The following TFAP2E variants were observed in gnomAD, a reference collection of about 807,000 sequenced individuals.
The protein encoded by TFAP2E is transcription factor AP-2-epsilon.
In TFAP2E, 30 loss-of-function variants were observed where a neutral mutation model predicts 37.9. That is an observed-to-expected ratio of 0.79 (90% confidence interval 0.59 to 1.07). The LOEUF (loss-of-function observed/expected upper bound fraction) is 1.07, where lower values mean the gene tolerates loss of function less well. Ranked by LOEUF, TFAP2E falls within the 50% of genes least tolerant of loss-of-function variation. The probability of loss-of-function intolerance (pLI) is 0.00; values close to 1 mark genes in which losing one functional copy is unlikely to be tolerated. For synonymous variants in TFAP2E, 318 were observed against 295.8 expected (o/e 1.08, Z -0.77); for missense variants, 567 against 637.9 (o/e 0.89, Z 1.20).
In TFAP2E at chr1:35,589,965, A is replaced by T; in HGVS notation, c.821A>T (p.Glu274Val). 1 of 1,613,986 alleles carries T rather than the reference A, an allele frequency of 6.2e-7. No individual in the cohort carries two copies. Residue 274 changes from glutamate to valine, a missense_variant, in exon 5 of 7, where the codon GAA becomes GTA. Glu to Val is a moderately radical substitution (Grantham distance 121). Transcript: ENST00000373235. ...AAAAATGGGGGCCGGTGTTTGCGGG[A>T]ACGGTTAGAGAAGATTGGGCTCAAC... ...KSKNGGRCLR[E>V]RLEKIGLNLP...
intron 3 of TFAP2E, among the ~76,000 whole-genome samples, chr1:35,579,547 A>G (rs1230946631): frequency 6.6e-6 from 1 of 151,128 alleles, no homozygotes; most frequent in Admixed American, 6.6e-5. Flanking sequence ...GGTACCTGTC[A>G]CCACGCCCAG....
rs748767629 is a variant in TFAP2E at position 35,594,626 on chromosome 1, G to C, written c.1279G>C (p.Gly427Arg). ...DKMFLSSVGS[G>R]HGETKASEKD... Reference sequence around the variant, plus strand: ...GATGTTTCTAAGCAGTGTGGGCAGTGGGCATGGTGAAACCAAGGCTTCGGA... The same window carrying C: ...GATGTTTCTAAGCAGTGTGGGCAGTCGGCATGGTGAAACCAAGGCTTCGGA... Residue 427 changes from glycine (G) to arginine (R), a missense_variant, in exon 7 of 7, where the codon GGG (glycine) becomes CGG (arginine). Physicochemically the swap from Gly to Arg is moderately radical, Grantham distance 125 (BLOSUM62 -2). Around this residue, in one of 3 missense-constraint regions of TFAP2E, gnomAD observed 252 missense variants for 302.6 expected, o/e 0.83. Transcript: ENST00000373235. 1.2e-6 allele frequency: 2 copies of C among 1,614,202 alleles called. No individual in the cohort carries two copies. The highest frequency in any genetic ancestry group is 3.3e-4 in the Middle Eastern group (2 of 6,048).
chr1:35,582,445 G>T (rs1649374845), intron 3 of TFAP2E, among the ~76,000 whole-genome samples: 1 of 148,504 alleles, frequency 6.7e-6, no homozygotes, highest in African/African-American at 2.5e-5. Flanking sequence ...TCCAGTTTGT[G>T]GTTTATCGTT....
chr1:35,573,941 G>T lies in TFAP2E; in HGVS notation c.42G>T (p.Gly14=), dbSNP rs1649085340. ...TCCTTCCCCAGGAGCGCCCCGACGG[G>T]CTGGGAGCAGCTGCCGGCGGGGCCC... ...HTYSAMERPD[G]LGAAAGGARL... is the part of the protein sequence containing the mutation. Residue 14 remains glycine (G), a synonymous_variant, in exon 2 of 7, where the codon GGG becomes GGT. Transcript: ENST00000373235. This position sits in a 1 kb window ranked among gnomAD's most constrained non-coding sequence, Gnocchi z 5.9. The T allele has an allele frequency of 5.5e-6, 8 of 1,451,340 alleles. No homozygotes were observed. In the South Asian group the frequency reaches 1.0e-4, roughly 18 times the overall value. 89.9% of individuals were successfully genotyped at this position (1,451,340 alleles called of 1,614,324 possible). A position where few individuals can be genotyped will look rare whatever the true frequency, so the allele number is the denominator to read the frequency against.
Position 35,595,119 on chromosome 1 carries a change from C to A in TFAP2E, c.*443C>A, listed in dbSNP as rs955563648. 4.8e-6 allele frequency: 1 copy of A among 208,654 alleles called. No individual in the cohort carries two copies. Among genetic ancestry groups the A allele is most frequent in the South Asian group, 8.0e-5 (1 of 12,524 alleles). 12.9% of individuals were successfully genotyped at this position (208,654 alleles called of 1,614,324 possible). ...GTGCCCCTCATTCCAGAATCTCCTA[C>A]CCCCAGAAAAGGGGTGCTGGAAGGA... On this transcript the variant is annotated 3_prime_UTR_variant, in exon 7 of 7. Transcript: ENST00000373235.
chr1:35,584,222 C>T (rs1022088201), intron 3 of TFAP2E, among the ~76,000 whole-genome samples: 1 of 152,198 alleles, frequency 6.6e-6, no homozygotes, highest in Non-Finnish European at 1.5e-5. Flanking sequence ...CTCAGCCTTC[C>T]GAGCAGCTGG....
At chr1:35,593,039 G>A (rs1649734412) in intron 6 of TFAP2E, among the ~76,000 whole-genome samples, 1 of 135,926 alleles carries the variant, frequency 7.4e-6, no homozygotes, top group Non-Finnish European at 1.7e-5. Flanking sequence ...GGGGGATAGA[G>A]AAAGAGAGAA....
intron 3 of TFAP2E, among the ~76,000 whole-genome samples, chr1:35,583,586 G>A (rs1163388901): frequency 2.0e-5 from 3 of 150,802 alleles, no homozygotes; most frequent in South Asian, 4.2e-4. Context: ...ATAACCGGGA[G>A]CTCTTGTGTC....
At chr1:35,585,174 C>T (rs1032176344) in intron 3 of TFAP2E, among the ~76,000 whole-genome samples, 3 of 152,142 alleles carry the variant, frequency 2.0e-5, no homozygotes, top group Non-Finnish European at 4.4e-5. Flanking sequence ...GCTCAAAGAG[C>T]TCACACCCTG....
chr1:35,593,797 T>G (rs1414214244), intron 6 of TFAP2E, among the ~76,000 whole-genome samples: 1 of 152,228 alleles, frequency 6.6e-6, no homozygotes, highest in African/African-American at 2.4e-5. Context: ...GAATGAATAA[T>G]GAATGGCTGC....
chr1:35,581,836 T>C (rs1278317961), intron 3 of TFAP2E, among the ~76,000 whole-genome samples: 1 of 152,050 alleles, frequency 6.6e-6, no homozygotes, highest in East Asian at 1.9e-4. Flanking sequence ...CCTCCCAAAA[T>C]GCTGGGCTTA....
intron 6 of TFAP2E, among the ~76,000 whole-genome samples, chr1:35,591,305 C>T (rs534210357): frequency 6.6e-6 from 1 of 152,276 alleles, no homozygotes; most frequent in East Asian, 1.9e-4. Flanking sequence ...CACACAGGCT[C>T]ACGCATGGGT....
chr1:35,594,261 GGT>G, intron 6 of TFAP2E, 131 bp from the exon 7 acceptor site: 1 of 1,125,730 alleles, frequency 8.9e-7, no homozygotes, highest in Non-Finnish European at 1.2e-6. Flanking sequence ...AAAACAGTAT[GGT>G]CATCATTTGC....
chr1:35,580,092 C>G (rs771522529), intron 3 of TFAP2E, among the ~76,000 whole-genome samples: 2 of 152,118 alleles, frequency 1.3e-5, no homozygotes, highest in East Asian at 3.9e-4. Context: ...CGCCTGTAGT[C>G]CCAGCTACTC....
In TFAP2E at chr1:35,588,276, T is replaced by G; in HGVS notation, c.563-54T>G. ...AAAGCAAGGATACCAGACCCTCCCTTGAGTGGGGCTGTGTGCGGCAGCCAC... is the reference window on the plus strand; with the variant it reads ...AAAGCAAGGATACCAGACCCTCCCTGGAGTGGGGCTGTGTGCGGCAGCCAC... On this transcript the variant is annotated intron_variant, in intron 3 of 6. Coordinates refer to ENST00000373235, the MANE Select transcript of TFAP2E (RefSeq NM_178548.4). The surrounding 1 kb of genome is among the most constrained non-coding windows in gnomAD (Gnocchi z 5.1). 1 of 1,527,382 alleles carries G rather than the reference T, an allele frequency of 6.5e-7. No homozygotes were observed. The highest frequency in any genetic ancestry group is 8.9e-7 in the Non-Finnish European group (1 of 1,125,594). 94.6% of individuals were successfully genotyped at this position (1,527,382 alleles called of 1,614,324 possible). A position where few individuals can be genotyped will look rare whatever the true frequency, so the allele number is the denominator to read the frequency against.
Position 35,594,848 on chromosome 1 carries a change from T to C in TFAP2E, c.*172T>C, listed in dbSNP as rs1649787108. ...TGGCTTGGAGTAAGGGAGGGTGGCC[T>C]CTCTGTGGTGGTGTGTTGGTAAGTT... On this transcript the variant is annotated 3_prime_UTR_variant, in exon 7 of 7. Transcript: ENST00000373235. The C allele has an allele frequency of 2.1e-6, 2 of 941,408 alleles. No individual in the cohort carries two copies. The highest frequency in any genetic ancestry group is 3.1e-6 in the Non-Finnish European group (2 of 640,996). 58.3% of individuals were successfully genotyped at this position (941,408 alleles called of 1,614,324 possible).
chr1:35,574,004 GCCC>G lies in TFAP2E; in HGVS notation c.108_110del (p.Pro37del). On this transcript the variant is annotated inframe_deletion, in exon 2 of 7. Coordinates refer to ENST00000373235, the MANE Select transcript of TFAP2E (RefSeq NM_178548.4). ...TGCCCCAGGCGGCCTACGGGCCGGC[GCCC>G]CCGCTCTGCCACACGCCGGCCGCCA... 2.0e-6 allele frequency: 3 copies of G among 1,484,518 alleles called. No homozygotes were observed. In the South Asian group the frequency reaches 3.8e-5, roughly 19 times the overall value. The allele number at this position is 1,484,518 out of a possible 1,614,324, so 92.0% of individuals were successfully genotyped here. A position where few individuals can be genotyped will look rare whatever the true frequency, so the allele number is the denominator to read the frequency against.
chr1:35,575,134 G>C lies in TFAP2E; in HGVS notation c.562+134G>C, dbSNP rs1209017985. On this transcript the variant is annotated intron_variant, in intron 3 of 6. Coordinates refer to ENST00000373235, the MANE Select transcript of TFAP2E (RefSeq NM_178548.4). ...TCCACCAGGCACTCTTCCTGGCCCA[G>C]CCAGATGTTAGGCAGACGTGCGGGC... is the stretch of plus-strand genomic sequence containing the variant. 3.4e-6 allele frequency: 4 copies of C among 1,183,656 alleles called. No homozygotes were observed. The East Asian group carries it at 9.9e-5, about 29-fold the overall frequency. The allele number at this position is 1,183,656 out of a possible 1,614,324, so 73.3% of individuals were successfully genotyped here.
At chr1:35,586,383 C>G (rs1437540411) in intron 3 of TFAP2E, among the ~76,000 whole-genome samples, 1 of 152,172 alleles carries the variant, frequency 6.6e-6, no homozygotes, top group Admixed American at 6.5e-5. Context: ...TTGTCTAGCT[C>G]TGGAGCTGGG....
Sources: gnomAD v4.1 joint callset for allele counts (sites outside exome capture counted in the v4.1 genomes callset) on GRCh38, gnomAD v4.1.1 for gene constraint, gnomAD v4.1.1 regional missense constraint, Gnocchi (gnomAD v3.1) non-coding constraint, MANE v1.5 for transcripts, NCBI Gene and HGNC (gene_info 2026-07-23, HGNC 2026-07-21) for gene names.